The following SLCO5A1 variants were observed in gnomAD, a reference collection of about 807,000 sequenced individuals.
SLCO5A1 encodes organic anion transporter polypeptide-related protein 4.
In SLCO5A1, 39 loss-of-function variants were observed where a neutral mutation model predicts 65.1. The observed-to-expected ratio is 0.60, with a 90% CI of 0.46 to 0.78. The LOEUF is 0.78. Among genes scored for constraint, SLCO5A1 ranks in the 30% least tolerant of loss-of-function variants. The pLI, the probability that SLCO5A1 is intolerant of heterozygous loss-of-function variation, is 0.00. For synonymous variants in SLCO5A1, 438 were observed against 415.7 expected (o/e 1.05, Z -0.65); for missense variants, 1,029 against 1,069.4 (o/e 0.96, Z 0.53).
intron 2 of SLCO5A1, among the ~76,000 whole-genome samples, chr8:69,820,252 G>A (rs1820577609): frequency 6.6e-6 from 1 of 152,206 alleles, no homozygotes; most frequent in African/African-American, 2.4e-5. Flanking sequence ...AGTGATAACT[G>A]AGACACAGCA....
rs116798821 is a variant in SLCO5A1, at chr8:69,796,928, A to G, written c.907+34839T>C. On this transcript the variant is annotated intron_variant, in intron 2 of 9. Transcript: ENST00000260126. ...AAAGTGACCTTTACTCTAGTTTCTA[A>G]TAAGTTCCTTATCTCCATCTGAGAC... 1.9e-3 allele frequency among the ~76,000 whole-genome samples: 294 copies of G among 152,270 alleles called. 1 individual carries two copies. Among genetic ancestry groups the G allele is most frequent in the African/African-American group, 6.7e-3 (277 of 41,570 alleles).
chr8:69,732,205 T>C (rs1351502622), intron 5 of SLCO5A1, among the ~76,000 whole-genome samples: 1 of 152,208 alleles, frequency 6.6e-6, no homozygotes, highest in Admixed American at 6.5e-5. Flanking sequence ...ATTTGGTTAT[T>C]TAGACAACAA....
intron 2 of SLCO5A1, among the ~76,000 whole-genome samples, chr8:69,822,414 C>A (rs1820686830): frequency 6.6e-6 from 1 of 152,146 alleles, no homozygotes; most frequent in Admixed American, 6.5e-5. Context: ...ACCTTGAGTC[C>A]TGAGAAAATT....
Position 69,765,567 on chromosome 8 carries a change from A to G in SLCO5A1, c.908-3692T>C, listed in dbSNP as rs1014442075. On this transcript the variant is annotated intron_variant, in intron 2 of 9. Transcript: ENST00000260126. Reference sequence around the variant, plus strand: ...AACCAATGGTTCTCATTCAGAGCTTATAAGAGAAGTAAATTGTTGAAGCAA... The same window carrying G: ...AACCAATGGTTCTCATTCAGAGCTTGTAAGAGAAGTAAATTGTTGAAGCAA... Among the ~76,000 whole-genome samples the G allele has an allele frequency of 3.9e-5, 6 of 152,282 alleles. No individual in the cohort carries two copies. The South Asian group carries it at 6.2e-4, about 16-fold the overall frequency.
chr8:69,729,247 A>T (rs1291017873), intron 5 of SLCO5A1, among the ~76,000 whole-genome samples: 2 of 152,080 alleles, frequency 1.3e-5, no homozygotes, highest in African/African-American at 4.8e-5. Flanking sequence ...GATGGAGACC[A>T]TCCTGGCTAA....
Position 69,715,530 on chromosome 8 carries a change from C to T in SLCO5A1, c.1424-10301G>A, listed in dbSNP as rs115722295. Among the ~76,000 whole-genome samples the T allele has an allele frequency of 8.0e-3, 1,223 of 152,258 alleles. 14 individuals are homozygous for T. The highest frequency in any genetic ancestry group is 0.029 in the African/African-American group (1,185 of 41,542). On this transcript the variant is annotated intron_variant, in intron 5 of 9. Transcript: ENST00000260126. Reference sequence around the variant, plus strand: ...CCATCGAGACAGTTCATCGTCATGACGCCCACTAATAGCAGAACTGCAAAA... The same window carrying T: ...CCATCGAGACAGTTCATCGTCATGATGCCCACTAATAGCAGAACTGCAAAA...
At chr8:69,803,481 G>A (rs1285622788) in intron 2 of SLCO5A1, among the ~76,000 whole-genome samples, 1 of 152,128 alleles carries the variant, frequency 6.6e-6, no homozygotes, top group African/African-American at 2.4e-5. Context: ...GAGAGGCTAA[G>A]GCAGGAGAAT....
chr8:69,790,145 T>G (rs1819205164), intron 2 of SLCO5A1, among the ~76,000 whole-genome samples: 1 of 140,858 alleles, frequency 7.1e-6, no homozygotes, highest in Non-Finnish European at 1.5e-5. Context: ...TGAGCCGAGA[T>G]CATGCCACTG....
Position 69,703,118 on chromosome 8 carries a change from AAAAAAAG to A in SLCO5A1, c.1622+1906_1622+1912del, listed in dbSNP as rs555853929. On this transcript the variant is annotated intron_variant, in intron 6 of 9. Transcript: ENST00000260126. The stretch of plus-strand genomic sequence containing the variant: ...AGAGAGAGACTCTGTTTCAAAAAAA[AAAAAAAG>A]AAAAAAGAAAAAAAGAAAAGAAAAA... 1.8e-3 allele frequency among the ~76,000 whole-genome samples: 266 copies of A among 144,114 alleles called. 3 individuals are homozygous for A. The highest frequency in any genetic ancestry group is 2.7e-3 in the Non-Finnish European group (172 of 64,798). 94.5% of individuals were successfully genotyped at this position (144,114 alleles called of 152,430 possible).
chr8:69,814,051 C>T (rs1391785305), intron 2 of SLCO5A1, among the ~76,000 whole-genome samples: 1 of 151,772 alleles, frequency 6.6e-6, no homozygotes, highest in African/African-American at 2.4e-5. Context: ...AATATTTAGA[C>T]AAGAAACTGT....
chr8:69,766,392 C>T (rs2080275754), intron 2 of SLCO5A1, among the ~76,000 whole-genome samples: 1 of 152,204 alleles, frequency 6.6e-6, no homozygotes, highest in South Asian at 2.1e-4. Context: ...CCCACTTCAT[C>T]TCTCATCACT....
chr8:69,683,415 T>G (rs57054615), intron 6 of SLCO5A1, among the ~76,000 whole-genome samples: 2,600 of 152,256 alleles, frequency 0.017, 75 homozygotes, highest in African/African-American at 0.057. Context: ...TGAAATAGAT[T>G]TAGAGGGGGT....
rs1813267409 is a variant in SLCO5A1 at position 69,669,377 on chromosome 8, A to AAGC, written c.*3489_*3491dup. The AAGC allele has an allele frequency of 6.6e-6, 1 of 152,208 alleles. No homozygotes were observed. The highest frequency in any genetic ancestry group is 2.4e-5 in the African/African-American group (1 of 41,460). 9.4% of individuals were successfully genotyped at this position (152,208 alleles called of 1,614,324 possible). A position where few individuals can be genotyped will look rare whatever the true frequency, so the allele number is the denominator to read the frequency against. On this transcript the variant is annotated 3_prime_UTR_variant, in exon 10 of 10. Transcript: ENST00000260126. Reference sequence around the variant, plus strand: ...TAGTCACCTTGCCTTTGTTAACCAAAAGCTATTGTATACATTGCGTAGTGT... The same window carrying AAGC: ...TAGTCACCTTGCCTTTGTTAACCAAAAGCAGCTATTGTATACATTGCGTAGTGT...
chr8:69,674,211 G>T (rs1813454335), intron 9 of SLCO5A1, among the ~76,000 whole-genome samples: 1 of 152,050 alleles, frequency 6.6e-6, no homozygotes, highest in African/African-American at 2.4e-5. Context: ...TTACAAATTT[G>T]TCACTCCATA....
At chr8:69,780,227 G>A (rs1818735098) in intron 2 of SLCO5A1, among the ~76,000 whole-genome samples, 1 of 152,218 alleles carries the variant, frequency 6.6e-6, no homozygotes, top group South Asian at 2.1e-4. Flanking sequence ...TATAGCCACT[G>A]TGGGAAACAG....
At chr8:69,727,653 C>T (rs925528511) in intron 5 of SLCO5A1, among the ~76,000 whole-genome samples, 2 of 152,328 alleles carry the variant, frequency 1.3e-5, no homozygotes, top group Non-Finnish European at 2.9e-5. Flanking sequence ...TAAAGTTCAC[C>T]GGTTTTCACC....
chr8:69,701,063 G>A (rs1814713564), intron 6 of SLCO5A1, among the ~76,000 whole-genome samples: 1 of 152,042 alleles, frequency 6.6e-6, no homozygotes, highest in Admixed American at 6.6e-5. Flanking sequence ...GATGAGAGTA[G>A]GGGGACTGTG....
Position 69,805,410 on chromosome 8 carries a change from C to T in SLCO5A1, c.907+26357G>A, listed in dbSNP as rs577068000. On this transcript the variant is annotated intron_variant, in intron 2 of 9. Coordinates refer to ENST00000260126, the MANE Select transcript of SLCO5A1 (RefSeq NM_030958.3). ...AAGACTCAAATAGGCTTCGGTAGAA[C>T]CTATGATCCCAAGATAAGAGCTACT... 9.2e-5 allele frequency among the ~76,000 whole-genome samples: 14 copies of T among 152,230 alleles called. No homozygotes were observed. In the South Asian group the frequency reaches 2.9e-3, roughly 32 times the overall value.
At chr8:69,723,932 C>T (rs1815951729) in intron 5 of SLCO5A1, among the ~76,000 whole-genome samples, 1 of 152,132 alleles carries the variant, frequency 6.6e-6, no homozygotes, top group Non-Finnish European at 1.5e-5. Context: ...ACCACATATC[C>T]AGCTAATTTT....
Sources: allele counts gnomAD v4.1 joint callset (sites outside exome capture counted in the v4.1 genomes callset), GRCh38; gene constraint gnomAD v4.1.1; transcripts MANE v1.5; gene names NCBI Gene and HGNC (gene_info 2026-07-23, HGNC 2026-07-21).